The following TRMT2A variants were observed in gnomAD, a reference collection of about 807,000 sequenced individuals.
TRMT2A encodes tRNA methyltransferase 2A.
TRMT2A carries 60 observed loss-of-function variants against 59.3 expected under a neutral mutation model. That is an observed-to-expected ratio of 1.01 (90% CI 0.82 to 1.26). The LOEUF (loss-of-function observed/expected upper bound fraction) is 1.26. Ranked by LOEUF, TRMT2A falls within the 50% of genes most tolerant of loss-of-function variation. TRMT2A has a pLI of 0.00. For synonymous variants in TRMT2A, 403 were observed against 353.7 expected (o/e 1.14, Z -1.56); for missense variants, 863 against 845.2 (o/e 1.02, Z -0.26).
At chr22:20,112,883 C>T in intron 11 of TRMT2A, 28 bp downstream of exon 11, 1 of 1,612,454 alleles carries the variant, frequency 6.2e-7, no homozygotes, top group Non-Finnish European at 8.5e-7. Context: ...CAGGCCTAGC[C>T]CCCACCCAGG....
In TRMT2A at chr22:20,117,168, T is replaced by G; in HGVS notation, c.-262A>C. On this transcript the variant is annotated 5_prime_UTR_variant, in exon 1 of 12. Coordinates refer to ENST00000252136, the MANE Select transcript of TRMT2A (RefSeq NM_022727.6). ...CCCGCCAGGGGCCCGCGCCGGCCGCTCGCTTCGCCAGCCACTCTTAGTCCG... is the reference window on the plus strand; with the variant it reads ...CCCGCCAGGGGCCCGCGCCGGCCGCGCGCTTCGCCAGCCACTCTTAGTCCG... 2 of 549,936 alleles carry G rather than the reference T, an allele frequency of 3.6e-6. No individual in the cohort carries two copies. The highest frequency in any genetic ancestry group is 6.1e-6 in the Non-Finnish European group (2 of 329,064). The allele number at this position is 549,936 out of a possible 1,614,324, so 34.1% of individuals were successfully genotyped here.
rs1213702964 is a variant in TRMT2A, at chr22:20,116,542, G to C, written c.95C>G (p.Pro32Arg). ...CTCCAGGGCTGCCGGGGCTGCAGGGGGCACCGAGACGGTAGGGCAGCTCAG... is the reference window on the plus strand; with the variant it reads ...CTCCAGGGCTGCCGGGGCTGCAGGGCGCACCGAGACGGTAGGGCAGCTCAG... ...SALSCPTVSV[P>R]PAAPAALEEV... Residue 32 changes from proline (P) to arginine (R), a missense_variant, in exon 2 of 12, where the codon CCC (proline) becomes CGC (arginine). Coordinates refer to ENST00000252136, the MANE Select transcript of TRMT2A (RefSeq NM_022727.6). 1.2e-6 allele frequency: 2 copies of C among 1,600,190 alleles called. No individual in the cohort carries two copies. The highest frequency in any genetic ancestry group is 2.2e-5 in the South Asian group (2 of 90,082).
At chr22:20,115,180 G>A (rs2049972095) in intron 4 of TRMT2A, 86 bp downstream of exon 4, 2 of 1,572,402 alleles carry the variant, frequency 1.3e-6, no homozygotes, top group South Asian at 1.1e-5. Flanking sequence ...GAAATGGCAG[G>A]CACTCCAGAA....
chr22:20,116,138 G>A lies in TRMT2A; in HGVS notation c.499C>T (p.Arg167Ter), dbSNP rs1018898829. The A allele has an allele frequency of 3.8e-5, 62 of 1,612,810 alleles. No individual in the cohort carries two copies. Among genetic ancestry groups the A allele is most frequent in the Non-Finnish European group, 5.1e-5 (60 of 1,179,728 alleles). Residue 167 changes from arginine to a stop codon, truncating the protein, a stop_gained, in exon 2 of 12, where the codon CGA becomes TGA. Coordinates refer to ENST00000252136, the MANE Select transcript of TRMT2A (RefSeq NM_022727.6). LOFTEE classifies it high-confidence loss of function. ...QEGESEPPVT[R>*]VADVVTPLWT... The stretch of plus-strand genomic sequence containing the variant: ...AGAGGGGTCACCACGTCGGCCACTC[G>A]TGTTACTGGTGGCTCACTCTCACCC...
chr22:20,114,134 G>T (rs1242665126), intron 7 of TRMT2A, among the ~76,000 whole-genome samples: 1 of 152,116 alleles, frequency 6.6e-6, no homozygotes, highest in African/African-American at 2.4e-5. Context: ...TCACACCGGG[G>T]CCCCTGGAAT....
chr22:20,113,401 C>CCCCCCCCCCCCCCCCCCCCAGGG, intron 9 of TRMT2A, 31 bp downstream of exon 9: 1 of 893,472 alleles, frequency 1.1e-6, no homozygotes, highest in Non-Finnish European at 1.8e-6. Flanking sequence ...CTGCCCCCAT[C>CCCCCCCCCCCCCCCCCCCCAGGG]CCCACCCCCA....
Position 20,114,682 on chromosome 22 carries a change from C to T in TRMT2A, c.1125G>A (p.Lys375=), listed in dbSNP as rs775132876. 1.2e-6 allele frequency: 2 copies of T among 1,613,410 alleles called. No individual in the cohort carries two copies. Among genetic ancestry groups the T allele is most frequent in the Non-Finnish European group, 1.7e-6 (2 of 1,179,984 alleles). The change falls in exon 7 of 12, where the codon AAG becomes AAA. Residue 375 remains lysine, a synonymous_variant. Transcript: ENST00000252136. Reference sequence around the variant, plus strand: ...GGGGCAGGCCCTCCTGGCTAGGAGTCTTTCTGTGGGCGAAGGTGCAGGTCC... The same window carrying T: ...GGGGCAGGCCCTCCTGGCTAGGAGTTTTTCTGTGGGCGAAGGTGCAGGTCC... The part of the protein sequence containing the change: ...CLYFVEEGQR[K]TPSQEGLPLE...
At position 20,114,625 on chromosome 22, in the gene TRMT2A, G is replaced by A. The variant is rs746341858; in HGVS notation, c.1182C>T (p.His394=). 5.0e-6 allele frequency: 8 copies of A among 1,613,818 alleles called. No individual in the cohort carries two copies. Among genetic ancestry groups the A allele is most frequent in the East Asian group, 2.2e-5 (1 of 44,884 alleles). Residue 394 remains histidine, a synonymous_variant, in exon 7 of 12, where the codon CAC becomes CAT. Transcript: ENST00000252136. ...GGAAGGTCAGCCCTAGCAGGTCCTC[G>A]TGGATGCACCGGTCCCCAGCCACAT... is the stretch of plus-strand genomic sequence containing the variant. ...LEHVAGDRCI[H]EDLLGLTFRI...
At chr22:20,112,840 CAG>C (rs774812536) in intron 11 of TRMT2A, 46 bp from the exon 12 acceptor site, 18 of 1,612,576 alleles carry the variant, frequency 1.1e-5, no homozygotes, top group African/African-American at 2.7e-5. Flanking sequence ...ATAGGCTAAT[CAG>C]GGGCTCCTGT....
rs751480636 is a variant in TRMT2A at position 20,112,579 on chromosome 22, G to A, written c.1862C>T (p.Thr621Ile). ...PPDNTLQETGTFPSS is the reference protein window; with the variant it reads ...PPDNTLQETGIFPSS The stretch of plus-strand genomic sequence containing the variant: ...GTCCTGGGCCTAGGATGAGGGGAAG[G>A]TCCCAGTTTCTTGTAGGGTGTTATC... The change falls in exon 12 of 12, where the codon ACC becomes ATC. Residue 621 changes from threonine (T) to isoleucine (I), a missense_variant. Thr to Ile is a moderately conservative substitution (Grantham distance 89). Coordinates refer to ENST00000252136, the MANE Select transcript of TRMT2A (RefSeq NM_022727.6). 1.2e-5 allele frequency: 19 copies of A among 1,613,968 alleles called. No homozygotes were observed. In the Admixed American group the frequency reaches 2.5e-4, roughly 21 times the overall value.
chr22:20,113,404 C>CCCCCCCCCCCCTG, intron 9 of TRMT2A, 28 bp downstream of exon 9: 1 of 1,511,270 alleles, frequency 6.6e-7, no homozygotes, highest in Non-Finnish European at 9.1e-7. Context: ...CCCCCATCCC[C>CCCCCCCCCCCCTG]ACCCCCACCC....
At chr22:20,113,309 C>G in intron 9 of TRMT2A, 75 bp from the exon 10 acceptor site, 2 of 1,510,626 alleles carry the variant, frequency 1.3e-6, no homozygotes, top group Non-Finnish European at 8.9e-7. Flanking sequence ...GAACCCCTAG[C>G]CAAAGAGCTT....
chr22:20,112,803 G>C lies in TRMT2A; in HGVS notation c.1647-9C>G. 1 of 1,612,980 alleles carries C rather than the reference G, an allele frequency of 6.2e-7. No homozygotes were observed. The highest frequency in any genetic ancestry group is 8.5e-7 in the Non-Finnish European group (1 of 1,179,948). On this transcript the variant is annotated splice_polypyrimidine_tract_variant and intron_variant, in intron 11 of 11. Transcript: ENST00000252136. ...ATGGGGCTCTGCAGAGGCTGTGGGGGGAAAAGGGGGGCGCTAAGGTCAGCC... is the reference window on the plus strand; with the variant it reads ...ATGGGGCTCTGCAGAGGCTGTGGGGCGAAAAGGGGGGCGCTAAGGTCAGCC...
Position 20,112,664 on chromosome 22 carries a change from T to C in TRMT2A, c.1777A>G (p.Asn593Asp). The C allele has an allele frequency of 3.1e-6, 5 of 1,614,052 alleles. No homozygotes were observed. The highest frequency in any genetic ancestry group is 4.2e-6 in the Non-Finnish European group (5 of 1,179,998). ...LILFERVEHP[N>D]GTGVLGPHSP... is the part of the protein sequence containing the mutation. ...TGGGGCCCCAAGACCCCTGTGCCATTGGGGTGCTCCACCCTCTCAAACAGG... is the reference window on the plus strand; with the variant it reads ...TGGGGCCCCAAGACCCCTGTGCCATCGGGGTGCTCCACCCTCTCAAACAGG... Residue 593 changes from asparagine (N) to aspartate (D), a missense_variant, in exon 12 of 12, where the codon AAT becomes GAT. Physicochemically the swap from Asn to Asp is conservative, Grantham distance 23. Transcript: ENST00000252136.
intron 7 of TRMT2A, 94 bp from the exon 8 acceptor site, chr22:20,113,902 G>C: frequency 7.0e-7 from 1 of 1,427,304 alleles, no homozygotes; most frequent in South Asian, 1.5e-5. Context: ...CCATCCTGCC[G>C]GGACCTCCGG....
chr22:20,115,974 A>G, intron 2 of TRMT2A, 64 bp downstream of exon 2: 1 of 1,504,546 alleles, frequency 6.6e-7, no homozygotes, highest in African/African-American at 1.4e-5. Context: ...GTGCATGGAC[A>G]GGCTGAGGAA....
Position 20,112,565 on chromosome 22 carries a change from A to C in TRMT2A, c.1876T>G (p.Ter626GluextTer54). Residue 626 changes from the stop codon to glutamate, a stop_lost, in exon 12 of 12, where the codon TAG (stop) becomes GAG (glutamate). Coordinates refer to ENST00000252136, the MANE Select transcript of TRMT2A (RefSeq NM_022727.6). Reference sequence around the variant, plus strand: ...TGTCCCCATAATGGGTCCTGGGCCTAGGATGAGGGGAAGGTCCCAGTTTCT... The same window carrying C: ...TGTCCCCATAATGGGTCCTGGGCCTCGGATGAGGGGAAGGTCCCAGTTTCT... ...LQETGTFPSS* is the reference protein window; with the variant it reads ...LQETGTFPSSE 6.2e-7 allele frequency: 1 copy of C among 1,613,736 alleles called. No individual in the cohort carries two copies. Among genetic ancestry groups the C allele is most frequent in the Non-Finnish European group, 8.5e-7 (1 of 1,179,974 alleles).
Position 20,114,849 on chromosome 22 carries a change from G to A in TRMT2A, c.1033C>T (p.Leu345=). Residue 345 remains leucine, a synonymous_variant, in exon 6 of 12, where the codon CTG becomes TTG. Transcript: ENST00000252136. ...AAGTGCTGCGCTAGGGAGGTCTTCA[G>A]CTCTGCCAGCTCCTCAGGGCTCAGC... The part of the protein sequence containing the change: ...QKLSPEELAE[L]KTSLAQHFTA... 1 of 1,601,488 alleles carries A rather than the reference G, an allele frequency of 6.2e-7. No individual in the cohort carries two copies. The highest frequency in any genetic ancestry group is 8.5e-7 in the Non-Finnish European group (1 of 1,175,496).
intron 3 of TRMT2A, 80 bp from the exon 4 acceptor site, chr22:20,115,527 G>A: frequency 6.4e-7 from 1 of 1,566,848 alleles, no homozygotes; most frequent in Non-Finnish European, 8.7e-7. Context: ...ACAGGGGCTG[G>A]CAGTCAAACA....
Sources: gnomAD v4.1 joint callset for allele counts (sites outside exome capture counted in the v4.1 genomes callset) on GRCh38, gnomAD v4.1.1 for gene constraint, MANE v1.5 for transcripts, NCBI Gene and HGNC (gene_info 2026-07-23, HGNC 2026-07-21) for gene names.